Variants in PHLDB2 observed in about 807,000 individuals in gnomAD.
PHLDB2 encodes the protein pleckstrin homology like domain family B member 2, also known as pleckstrin homology-like domain family B member 2.
A neutral mutation model predicts 123.6 loss-of-function variants in PHLDB2; 71 were observed. That is an observed-to-expected ratio of 0.57 (90% CI 0.47 to 0.70). PHLDB2 has a LOEUF of 0.70. PHLDB2 is among the 30% of genes least tolerant of loss of function. The pLI is 0.00. For missense variants in PHLDB2, 1,446 were observed against 1,519.5 expected, an observed-to-expected ratio of 0.95 and a Z score of 0.80; for synonymous variants, 547 against 541.6, an observed-to-expected ratio of 1.01 and a Z score of -0.14.
chr3:111,768,707 C>T (rs565742991), intron 1 of PHLDB2, among the ~76,000 whole-genome samples: 5 of 152,270 alleles, frequency 3.3e-5, no homozygotes, highest in East Asian at 1.9e-4. Flanking sequence ...AAGGTCCATA[C>T]GACTGCCTGG....
At chr3:111,908,896 T>C (rs1282954) in intron 2 of PHLDB2, among the ~76,000 whole-genome samples, 5,418 of 152,294 alleles carry the variant, frequency 0.036, 320 homozygotes, top group African/African-American at 0.12. Flanking sequence ...TTTCTCATTC[T>C]ACCACTCACT....
At chr3:111,741,553 G>T (rs2059605434) in intron 1 of PHLDB2, among the ~76,000 whole-genome samples, 1 of 152,094 alleles carries the variant, frequency 6.6e-6, no homozygotes, top group East Asian at 1.9e-4. Flanking sequence ...GTGTGTGTGT[G>T]TGTCTGTGTG....
At chr3:111,922,655 T>A (rs1003739354) in intron 5 of PHLDB2, among the ~76,000 whole-genome samples, 1 of 152,230 alleles carries the variant, frequency 6.6e-6, no homozygotes, top group Non-Finnish European at 1.5e-5. Context: ...CTAGATGATG[T>A]TACTACGTAT....
In PHLDB2 at chr3:111,768,365, C is replaced by T. The variant is rs79835131; in HGVS notation, c.-49+35662C>T. On this transcript the variant is annotated intron_variant, in intron 1 of 17. Coordinates refer to the PHLDB2 transcript ENST00000393923. ...TATAGTTTGTAACAAATGTTTTTCACGTTTAAGTGAGAATATTATTCTCTG... is the reference window on the plus strand; with the variant it reads ...TATAGTTTGTAACAAATGTTTTTCATGTTTAAGTGAGAATATTATTCTCTG... Among the ~76,000 whole-genome samples, 228 of 152,222 alleles carry T rather than the reference C, an allele frequency of 1.5e-3. No individual in the cohort carries two copies. In the East Asian group the frequency reaches 0.038, roughly 25 times the overall value.
chr3:111,952,398 A>G (rs996744495), intron 10 of PHLDB2, among the ~76,000 whole-genome samples, 174 bp from the exon 11 acceptor site: 1 of 152,244 alleles, frequency 6.6e-6, no homozygotes, highest in Non-Finnish European at 1.5e-5. Flanking sequence ...AGTGTTTAGT[A>G]TCTAATCAAA....
chr3:111,963,630 A>G (rs1484975898), intron 13 of PHLDB2, among the ~76,000 whole-genome samples: 1 of 152,222 alleles, frequency 6.6e-6, no homozygotes, highest in Admixed American at 6.5e-5. Context: ...GGGCAAATGT[A>G]CCCACAACTC....
At position 111,935,812 on chromosome 3, in the gene PHLDB2, A is replaced by G. The variant is rs377659881; in HGVS notation, c.2130+3415A>G. 2.6e-5 allele frequency among the ~76,000 whole-genome samples: 4 copies of G among 152,172 alleles called. No homozygotes were observed. In the East Asian group the frequency reaches 5.8e-4, roughly 22 times the overall value. ...GCAGCTGATTAGATGGTGCTCACCC[A>G]GATTAAGGGTGGGTCTGCCTTTCCC... On this transcript the variant is annotated intron_variant, in intron 6 of 17. Coordinates refer to ENST00000431670, the MANE Select transcript of PHLDB2 (RefSeq NM_001134438.2).
intron 3 of PHLDB2, 55 bp downstream of exon 3, chr3:111,913,757 C>A: frequency 6.8e-7 from 1 of 1,468,960 alleles, no homozygotes. Context: ...TGTGCATATG[C>A]TTTGGCATGA....
At chr3:111,905,995 G>A (rs1230167943) in intron 2 of PHLDB2, among the ~76,000 whole-genome samples, 1 of 152,190 alleles carries the variant, frequency 6.6e-6, no homozygotes, top group African/African-American at 2.4e-5. Flanking sequence ...CCACAAATAT[G>A]ATAGTGGTCC....
chr3:111,843,275 T>C (rs2063777833), intron 1 of PHLDB2, among the ~76,000 whole-genome samples: 1 of 152,260 alleles, frequency 6.6e-6, no homozygotes, highest in Non-Finnish European at 1.5e-5. Context: ...TTTTTTATTA[T>C]AGCCATCCCA....
intron 1 of PHLDB2, among the ~76,000 whole-genome samples, chr3:111,734,639 G>C (rs1231094469): frequency 6.6e-6 from 1 of 152,132 alleles, no homozygotes; most frequent in East Asian, 1.9e-4. Context: ...GACTAGATTA[G>C]AATAGGCATT....
chr3:111,736,834 T>G (rs1477017525), intron 1 of PHLDB2, among the ~76,000 whole-genome samples: 1 of 152,130 alleles, frequency 6.6e-6, no homozygotes, highest in Non-Finnish European at 1.5e-5. Context: ...AGGCAAAAAA[T>G]CTTTCAAGCC....
chr3:111,810,841 T>A (rs980853261), intron 1 of PHLDB2, among the ~76,000 whole-genome samples: 1 of 152,170 alleles, frequency 6.6e-6, no homozygotes, highest in Non-Finnish European at 1.5e-5. Flanking sequence ...TTTACAAAGA[T>A]CCTCAGTATA....
chr3:111,797,970 A>G (rs2061232797), intron 1 of PHLDB2, among the ~76,000 whole-genome samples: 1 of 152,150 alleles, frequency 6.6e-6, no homozygotes, highest in Non-Finnish European at 1.5e-5. Context: ...CCATCTCTAT[A>G]AAAACATAAG....
intron 1 of PHLDB2, among the ~76,000 whole-genome samples, chr3:111,881,843 A>G (rs536120930): frequency 6.6e-6 from 1 of 151,312 alleles, no homozygotes; most frequent in South Asian, 2.1e-4. Context: ...TCTCCAAAAA[A>G]TTTTCCAGTA....
chr3:111,780,299 AAGAGGAAGAGGAAGAGGAAGAG>A (rs1175049004), intron 1 of PHLDB2, among the ~76,000 whole-genome samples: 1 of 1,946 alleles, frequency 5.1e-4, no homozygotes, highest in Non-Finnish European at 8.8e-3. Flanking sequence ...GAAGAAGAGG[AAGAGGAAGAGGAAGAGGAAGAG>A]GAAGAAGAAG....
intron 10 of PHLDB2, among the ~76,000 whole-genome samples, chr3:111,950,349 T>C (rs2070629649): frequency 6.6e-6 from 1 of 152,206 alleles, no homozygotes. Context: ...AGTACCTTTG[T>C]TTTAATCTGT....
At chr3:111,970,034 A>T (rs2107688534) in intron 16 of PHLDB2, 125 bp downstream of exon 16, 1 of 791,902 alleles carries the variant, frequency 1.3e-6, no homozygotes, top group East Asian at 2.6e-5. Flanking sequence ...GCAATATTAG[A>T]TTTGTAGGTG....
chr3:111,963,131 A>C (rs2071521277), intron 13 of PHLDB2, among the ~76,000 whole-genome samples: 1 of 152,080 alleles, frequency 6.6e-6, no homozygotes, highest in South Asian at 2.1e-4. Context: ...TTAACATATA[A>C]ATCTGGCCAT....
Sources: gnomAD v4.1 joint callset for allele counts (sites outside exome capture counted in the v4.1 genomes callset) on GRCh38, gnomAD v4.1.1 for gene constraint, MANE v1.5 for transcripts, NCBI Gene and HGNC (gene_info 2026-07-23, HGNC 2026-07-21) for gene names.